The following SEZ6L variants were observed in gnomAD, a reference collection of about 807,000 sequenced individuals.
SEZ6L encodes the protein seizure 6-like protein.
SEZ6L carries 37 observed loss-of-function variants against 106.2 expected under a neutral mutation model. That is an observed-to-expected ratio of 0.35 (90% confidence interval 0.27 to 0.46). The LOEUF (loss-of-function observed/expected upper bound fraction) is 0.46. SEZ6L is among the 20% of genes least tolerant of loss of function. SEZ6L has a pLI of 1.00. For synonymous variants in SEZ6L, 541 were observed against 570.4 expected (o/e 0.95, Z 0.73); for missense variants, 1,172 against 1,332.8 (o/e 0.88, Z 1.88).
chr22:26,285,505 C>T (rs1323572350), intron 1 of SEZ6L, among the ~76,000 whole-genome samples: 1 of 152,190 alleles, frequency 6.6e-6, no homozygotes, highest in African/African-American at 2.4e-5. Flanking sequence ...ATCCAGTGGT[C>T]TTCAACCAGA....
chr22:26,179,253 G>A (rs1939226221), intron 1 of SEZ6L, among the ~76,000 whole-genome samples: 1 of 152,088 alleles, frequency 6.6e-6, no homozygotes, highest in South Asian at 2.1e-4. Context: ...AGCCAGGTGT[G>A]GTGGCATATG....
chr22:26,356,533 C>T (rs971747889), intron 12 of SEZ6L, among the ~76,000 whole-genome samples: 2 of 151,446 alleles, frequency 1.3e-5, no homozygotes, highest in Non-Finnish European at 2.9e-5. Context: ...TCCCAGCTAC[C>T]TGGGAGGCTG....
At chr22:26,170,432 C>T (rs1315736898) in intron 1 of SEZ6L, among the ~76,000 whole-genome samples, 1 of 152,080 alleles carries the variant, frequency 6.6e-6, no homozygotes, top group African/African-American at 2.4e-5. Context: ...ACGGGCTCCC[C>T]TCTACTCTCT....
intron 1 of SEZ6L, among the ~76,000 whole-genome samples, chr22:26,273,387 C>G (rs546892192): frequency 6.6e-6 from 1 of 152,378 alleles, no homozygotes; most frequent in African/African-American, 2.4e-5. Context: ...AATTTGCCTC[C>G]TCCTATGCTT....
chr22:26,201,909 G>GTTGT (rs1003222484), intron 1 of SEZ6L, among the ~76,000 whole-genome samples: 21 of 151,942 alleles, frequency 1.4e-4, no homozygotes, highest in African/African-American at 4.4e-4. Flanking sequence ...ATTTTTTGTT[G>GTTGT]TTGTTTGTTT....
At chr22:26,254,087 T>G (rs2079717670) in intron 1 of SEZ6L, 1 of 152,224 alleles carries the variant, frequency 6.6e-6, no homozygotes, top group Non-Finnish European at 1.5e-5. Context: ...TAAATTAGCT[T>G]AGAATGTTTA....
intron 16 of SEZ6L, among the ~76,000 whole-genome samples, chr22:26,379,683 A>G (rs956288966): frequency 1.3e-5 from 2 of 152,222 alleles, no homozygotes; most frequent in Non-Finnish European, 2.9e-5. Flanking sequence ...ATGGTAGATC[A>G]GGGCATATGT....
chr22:26,250,807 AT>A (rs1251592093), intron 1 of SEZ6L, among the ~76,000 whole-genome samples: 3 of 152,054 alleles, frequency 2.0e-5, no homozygotes, highest in Admixed American at 6.6e-5. Flanking sequence ...ATGTCTTTCT[AT>A]TTTTTTGTGT....
intron 1 of SEZ6L, among the ~76,000 whole-genome samples, chr22:26,190,538 T>C (rs1396635910): frequency 1.3e-5 from 2 of 152,212 alleles, no homozygotes; most frequent in East Asian, 3.8e-4. Flanking sequence ...TCTCTCTGTG[T>C]CTCAGTTTTC....
At chr22:26,348,825 A>G (rs1601579766) in intron 11 of SEZ6L, among the ~76,000 whole-genome samples, 1 of 7,046 alleles carries the variant, frequency 1.4e-4, no homozygotes. Context: ...GAAGAGAGGG[A>G]AGGGGGGAGG....
At chr22:26,240,077 C>G (rs1452387004) in intron 1 of SEZ6L, among the ~76,000 whole-genome samples, 1 of 141,306 alleles carries the variant, frequency 7.1e-6, no homozygotes, top group Non-Finnish European at 1.5e-5. Context: ...GACACACACA[C>G]ACACACACAC....
chr22:26,299,154 G>A lies in SEZ6L; in HGVS notation c.1333G>A (p.Glu445Lys). The A allele has an allele frequency of 6.5e-7, 1 of 1,548,460 alleles. No homozygotes were observed. The highest frequency in any genetic ancestry group is 8.7e-7 in the Non-Finnish European group (1 of 1,144,612). The change falls in exon 5 of 17, where the codon GAG becomes AAG. Residue 445 changes from glutamate to lysine, a missense_variant. Around this residue, in one of 4 missense-constraint regions of SEZ6L, gnomAD observed 534 missense variants for 691.0 expected, o/e 0.77. Coordinates refer to ENST00000248933, the MANE Select transcript of SEZ6L (RefSeq NM_021115.5). ...CTCCAAGCCGCACTGGAGCAGCCAG[G>A]AGCCCATCTGCTCAGGTATGCTCCA... ...NASKPHWSSQ[E>K]PICSAPCGGA...
At chr22:26,328,395 T>A (rs780731380) in intron 9 of SEZ6L, among the ~76,000 whole-genome samples, 14 of 152,204 alleles carry the variant, frequency 9.2e-5, no homozygotes, top group Middle Eastern at 3.2e-3. Context: ...TATCCCCATT[T>A]TACAGGTGGG....
At chr22:26,251,700 G>T (rs1253985934) in intron 1 of SEZ6L, among the ~76,000 whole-genome samples, 5 of 152,198 alleles carry the variant, frequency 3.3e-5, no homozygotes, top group Admixed American at 2.0e-4. Context: ...CCTGGAAAGG[G>T]GATGTCATTA....
chr22:26,317,118 AGAGACTACAGAGG>A (rs1056674223), intron 9 of SEZ6L, among the ~76,000 whole-genome samples: 3 of 152,146 alleles, frequency 2.0e-5, no homozygotes, highest in Non-Finnish European at 2.9e-5. Context: ...GCAGGTGGGT[AGAGACTACAGAGG>A]GAATGGATCA....
chr22:26,287,705 G>A (rs1270445739), intron 1 of SEZ6L, among the ~76,000 whole-genome samples: 2 of 152,134 alleles, frequency 1.3e-5, no homozygotes, highest in African/African-American at 2.4e-5. Context: ...GTGGGACTTG[G>A]TTTTGCATGG....
chr22:26,169,832 G>A, intron 1 of SEZ6L, 69 bp downstream of exon 1: 1 of 719,738 alleles, frequency 1.4e-6, no homozygotes, highest in South Asian at 6.4e-5. Flanking sequence ...CCAGGGGTCG[G>A]GGCTGACCAG....
chr22:26,261,429 C>A (rs1384138710), intron 1 of SEZ6L, among the ~76,000 whole-genome samples: 1 of 152,170 alleles, frequency 6.6e-6, no homozygotes, highest in Admixed American at 6.5e-5. Context: ...GATGAGGATC[C>A]AGTTTCATTC....
chr22:26,375,337 A>G lies in SEZ6L; in HGVS notation c.2828-238A>G, dbSNP rs1030459060. On this transcript the variant is annotated intron_variant, in intron 14 of 16. Coordinates refer to ENST00000248933, the MANE Select transcript of SEZ6L (RefSeq NM_021115.5). Reference sequence around the variant, plus strand: ...TGGGAATGGTACGATCAGGTTTCAAACAGTGTAATTCTCTATAGCTCCTAT... The same window carrying G: ...TGGGAATGGTACGATCAGGTTTCAAGCAGTGTAATTCTCTATAGCTCCTAT... Among the ~76,000 whole-genome samples, 91 of 152,160 alleles carry G rather than the reference A, an allele frequency of 6.0e-4. 1 individual carries two copies. The highest frequency in any genetic ancestry group is 2.2e-3 in the African/African-American group (91 of 41,434).
Sources: allele counts gnomAD v4.1 joint callset (sites outside exome capture counted in the v4.1 genomes callset), GRCh38; gene constraint gnomAD v4.1.1; regional missense constraint gnomAD v4.1.1; transcripts MANE v1.5; gene names NCBI Gene and HGNC (gene_info 2026-07-23, HGNC 2026-07-21).